BAIAP3: variants seen among roughly 807,000 people sequenced by gnomAD.
BAIAP3 encodes the protein BAI1-associated protein 3.
A neutral mutation model predicts 149.7 loss-of-function variants in BAIAP3; 180 were observed. That is an observed-to-expected ratio of 1.20 (90% CI 1.07 to 1.36). The LOEUF is 1.36. BAIAP3 is among the 40% of genes most tolerant of loss of function. BAIAP3 has a pLI of 0.00. For missense variants in BAIAP3, 1,767 were observed against 1,563.4 expected (o/e 1.13, Z -2.20); for synonymous variants, 845 against 670.7 (o/e 1.26, Z -4.02).
chr16:1,346,977 C>T (rs748869767), intron 28 of BAIAP3, 22 bp downstream of exon 28: 6 of 1,566,132 alleles, frequency 3.8e-6, no homozygotes, highest in Non-Finnish European at 5.2e-6. Context: ...TGAAGGAGTC[C>T]TCCCCGCCGG....
At position 1,348,458 on chromosome 16, in the gene BAIAP3, G is replaced by C. The variant is rs770635581; in HGVS notation, c.3435G>C (p.Glu1145Asp). The change falls in exon 34 of 34, where the codon GAG (glutamate) becomes GAC (aspartate). Residue 1145 changes from glutamate to aspartate, a missense_variant. Transcript: ENST00000426824. Reference protein sequence around the residue: ...QEFVKKLKELEKCMEADP With the variant: ...QEFVKKLKELDKCMEADP ...TCGTGAAGAAACTCAAGGAGCTGGA[G>C]AAGTGCATGGAGGCGGACCCCTGAG... 1 of 1,611,658 alleles carries C rather than the reference G, an allele frequency of 6.2e-7. No homozygotes were observed. The highest frequency in any genetic ancestry group is 1.3e-5 in the African/African-American group (1 of 75,024).
chr16:1,348,241 G>A lies in BAIAP3; in HGVS notation c.3295G>A (p.Gly1099Ser). ...GVTGVARPQV[G>S]GGARAGQPVT... is the part of the protein sequence containing the mutation. ...CACTGGTGTCGCCCGGCCCCAGGTG[G>A]GCGGGGGTGCAAGGGCTGGGCAGCC... The change falls in exon 33 of 34, where the codon GGC (glycine) becomes AGC (serine). Residue 1099 changes from glycine to serine, a missense_variant. Gly to Ser is a moderately conservative substitution (Grantham distance 56). Transcript: ENST00000426824. 6.2e-7 allele frequency: 1 copy of A among 1,605,676 alleles called. No homozygotes were observed. The highest frequency in any genetic ancestry group is 8.5e-7 in the Non-Finnish European group (1 of 1,178,182).
At chr16:1,346,106 G>C (rs764641535) in intron 24 of BAIAP3, 28 bp downstream of exon 24, 5 of 1,605,128 alleles carry the variant, frequency 3.1e-6, no homozygotes, top group Non-Finnish European at 4.2e-6. Context: ...GAGGGGAGCC[G>C]GCAGGAGGTG....
rs775219563 is a variant in BAIAP3, at chr16:1,346,583, G to C, written c.2563-22G>C. 4 of 1,563,570 alleles carry C rather than the reference G, an allele frequency of 2.6e-6. No homozygotes were observed. The East Asian group carries it at 7.1e-5, about 28-fold the overall frequency. On this transcript the variant is annotated intron_variant, in intron 26 of 33. Transcript: ENST00000426824. ...AGGGCAGAGGTGCGGGGTAAGCCTG[G>C]CCTGACCACCCCTGCCCGCAGGCCG...
intron 15 of BAIAP3, among the ~76,000 whole-genome samples, 168 bp downstream of exon 15, chr16:1,343,681 G>A (rs925862686): frequency 2.6e-5 from 4 of 152,252 alleles, no homozygotes; most frequent in African/African-American, 9.6e-5. Flanking sequence ...GAAAGGAGAC[G>A]GGAGACTCGT....
In BAIAP3 at chr16:1,345,892, T is replaced by A; in HGVS notation, c.2208+2T>A. The A allele has an allele frequency of 6.3e-7, 1 of 1,576,676 alleles. No homozygotes were observed. ...GGGCTGGGCACCCAGCTTGGCCAGG[T>A]GTGTGGGTGGGCCCTGGGGGTGAGG... is the stretch of plus-strand genomic sequence containing the variant. On this transcript the variant is annotated splice_donor_variant, in intron 23 of 33. Transcript: ENST00000426824. LOFTEE classifies it high-confidence loss of function.
rs1259141406 is a variant in BAIAP3, at chr16:1,339,249, A to T, written c.300+5A>T. ...AGAGCCCTGGCCCCAGAGGAGGTAA[A>T]GGTGGGGGTCGGAACCAGGGGCAGT... is the stretch of plus-strand genomic sequence containing the variant. On this transcript the variant is annotated splice_donor_5th_base_variant and intron_variant, in intron 4 of 33. Transcript: ENST00000426824. 3.2e-6 allele frequency: 5 copies of T among 1,560,530 alleles called. No individual in the cohort carries two copies. The South Asian group carries it at 4.7e-5, about 15-fold the overall frequency.
rs2033718028 is a variant in BAIAP3, at chr16:1,339,616, T to TGACCCC, written c.408+19_408+24dup. 2 of 1,594,096 alleles carry TGACCCC rather than the reference T, an allele frequency of 1.3e-6. No individual in the cohort carries two copies. Among genetic ancestry groups the TGACCCC allele is most frequent in the Non-Finnish European group, 8.6e-7 (1 of 1,168,058 alleles). On this transcript the variant is annotated intron_variant, in intron 5 of 33. Transcript: ENST00000426824. ...CTATCTCCAGCAGGTCAGCCCACCCTGACCCCGACCCAGACCCTGACAGCT... is the reference window on the plus strand; with the variant it reads ...CTATCTCCAGCAGGTCAGCCCACCCTGACCCCGACCCCGACCCAGACCCTGACAGCT...
intron 1 of BAIAP3, chr16:1,334,838 G>T: frequency 7.4e-7 from 1 of 1,346,286 alleles, no homozygotes; most frequent in Non-Finnish European, 1.0e-6. Flanking sequence ...GAAGAGCAGG[G>T]AAGCTGGAGA....
At chr16:1,339,389 T>C in intron 4 of BAIAP3, 107 bp from the exon 5 acceptor site, 2 of 1,477,630 alleles carry the variant, frequency 1.4e-6, no homozygotes, top group South Asian at 1.2e-5. Context: ...GAGGGGCTCC[T>C]GGTGCAAAGA....
intron 1 of BAIAP3, among the ~76,000 whole-genome samples, chr16:1,336,989 G>T (rs2033496958): frequency 6.6e-6 from 1 of 152,192 alleles, no homozygotes; most frequent in East Asian, 1.9e-4. Context: ...AGGAACCCAA[G>T]AGTGGGTACC....
At position 1,348,965 on chromosome 16, in the gene BAIAP3, G is replaced by C. The variant is rs544991314; in HGVS notation, c.*483G>C. 9 of 257,102 alleles carry C rather than the reference G, an allele frequency of 3.5e-5. No individual in the cohort carries two copies. The highest frequency in any genetic ancestry group is 6.8e-5 in the Non-Finnish European group (9 of 131,692). 15.9% of individuals were successfully genotyped at this position (257,102 alleles called of 1,614,324 possible). A position where few individuals can be genotyped will look rare whatever the true frequency, so the allele number is the denominator to read the frequency against. ...TGGTCCAGAGCCTCCACCCACAGAG[G>C]GGATGCAAAGGGCAGGTGAGTCAAG... On this transcript the variant is annotated 3_prime_UTR_variant, in exon 34 of 34. Coordinates refer to ENST00000426824, the MANE Select transcript of BAIAP3 (RefSeq NM_001199097.2).
At chr16:1,347,185 C>T (rs1318105674) in intron 28 of BAIAP3, 113 bp from the exon 29 acceptor site, 4 of 1,152,378 alleles carry the variant, frequency 3.5e-6, no homozygotes, top group Admixed American at 4.9e-5. Flanking sequence ...AAGGGCTCTG[C>T]CCTTGGCTGC....
chr16:1,342,978 A>G lies in BAIAP3; in HGVS notation c.1227A>G (p.Gly409=). 2 of 1,610,910 alleles carry G rather than the reference A, an allele frequency of 1.2e-6. No homozygotes were observed. The highest frequency in any genetic ancestry group is 1.7e-6 in the Non-Finnish European group (2 of 1,179,780). ...CCGCCACCATCCTCTGCCTGCACGG[A>G]GCCCAGAGCAACCTGTCACCCTTGC... The part of the protein sequence containing the change: ...TPAATILCLH[G]AQSNLSPLQL... The change falls in exon 14 of 34, where the codon GGA becomes GGG. Residue 409 remains glycine (G), a synonymous_variant. Transcript: ENST00000426824.
At chr16:1,338,185 C>T (rs1021508542) in intron 1 of BAIAP3, among the ~76,000 whole-genome samples, 3 of 152,166 alleles carry the variant, frequency 2.0e-5, no homozygotes, top group Admixed American at 6.5e-5. Flanking sequence ...TGTGCTGTCG[C>T]GGGGAGGGGT....
rs963038799 is a variant in BAIAP3, at chr16:1,345,375, G to A, written c.2064+3G>A. On this transcript the variant is annotated splice_donor_region_variant and intron_variant, in intron 22 of 33. Coordinates refer to ENST00000426824, the MANE Select transcript of BAIAP3 (RefSeq NM_001199097.2). ...AGGGAGCCGTGGACATGGACACGGT[G>A]ACAGCTGCCCTGGCCTGAGGACACT... 3.1e-6 allele frequency: 5 copies of A among 1,611,066 alleles called. No homozygotes were observed. Among genetic ancestry groups the A allele is most frequent in the Non-Finnish European group, 4.2e-6 (5 of 1,179,190 alleles).
chr16:1,342,460 C>T, intron 11 of BAIAP3, 67 bp from the exon 12 acceptor site: 1 of 1,462,524 alleles, frequency 6.8e-7, no homozygotes, highest in Non-Finnish European at 9.3e-7. Flanking sequence ...TCTCCAGGGT[C>T]TCACAGAGTC....
At chr16:1,345,611 G>T (rs1423467328) in intron 22 of BAIAP3, 136 bp from the exon 23 acceptor site, 2 of 275,212 alleles carry the variant, frequency 7.3e-6, no homozygotes, top group East Asian at 9.5e-5. Context: ...AGCCTCCTCA[G>T]CAACCCCAGC....
intron 5 of BAIAP3, among the ~76,000 whole-genome samples, chr16:1,340,022 GCACA>G (rs2033781468): frequency 1.5e-5 from 2 of 131,686 alleles, no homozygotes; most frequent in Admixed American, 7.7e-5. Flanking sequence ...GGCTGCAGGT[GCACA>G]CAGACACACG....
Sources: allele counts gnomAD v4.1 joint callset (sites outside exome capture counted in the v4.1 genomes callset), GRCh38; gene constraint gnomAD v4.1.1; transcripts MANE v1.5; gene names NCBI Gene and HGNC (gene_info 2026-07-23, HGNC 2026-07-21).